NEK8: variants seen among roughly 807,000 people sequenced by gnomAD.
NEK8 encodes the protein NIMA related kinase 8, also known as serine/threonine-protein kinase Nek8.
Under a neutral mutation model 77.2 loss-of-function variants are expected in NEK8, and 51 were observed. That is an observed-to-expected ratio of 0.66 (90% CI 0.53 to 0.83). NEK8 has a LOEUF of 0.83. Ranked by LOEUF, NEK8 falls within the 40% of genes least tolerant of loss-of-function variation. The pLI, the probability that NEK8 is intolerant of heterozygous loss-of-function variation, is 0.00. For missense variants in NEK8, 787 were observed against 909.2 expected (o/e 0.87, Z 1.73); for synonymous variants, 365 against 363.2 (o/e 1.00, Z -0.06).
Position 28,735,013 on chromosome 17 carries a change from G to T in NEK8, c.486+9G>T. ...AGAGCAAGGCCTACACGGTGCCTGG[G>T]CATGGAAGGGACCTCCAGGGCACTA... is the stretch of plus-strand genomic sequence containing the variant. On this transcript the variant is annotated intron_variant, in intron 3 of 14. Coordinates refer to ENST00000268766, the MANE Select transcript of NEK8 (RefSeq NM_178170.3). 1 of 1,597,712 alleles carries T rather than the reference G, an allele frequency of 6.3e-7. No individual in the cohort carries two copies.
rs1597808237 is a variant in NEK8, at chr17:28,741,176, G to A, written c.1831G>A (p.Glu611Lys). 2 of 1,613,838 alleles carry A rather than the reference G, an allele frequency of 1.2e-6. No individual in the cohort carries two copies. The highest frequency in any genetic ancestry group is 1.7e-5 in the Admixed American group (1 of 60,002). ...SRAPCKVQGL[E>K]GIKMAMVACG... The stretch of plus-strand genomic sequence containing the variant: ...GGCACCCTGTAAGGTCCAAGGCCTT[G>A]AGGGCATCAAGATGGCAATGGTAGC... Residue 611 changes from glutamate (E) to lysine (K), a missense_variant, in exon 13 of 15, where the codon GAG (glutamate) becomes AAG (lysine). Around this residue, in one of 2 missense-constraint regions of NEK8, gnomAD observed 516 missense variants for 544.0 expected, o/e 0.95. Transcript: ENST00000268766. This position sits in a 1 kb window ranked among gnomAD's most constrained non-coding sequence, Gnocchi z 4.5.
intron 8 of NEK8, 92 bp downstream of exon 8, chr17:28,738,337 TTCTG>T: frequency 1.4e-6 from 2 of 1,417,464 alleles, no homozygotes; most frequent in Non-Finnish European, 2.0e-6. Context: ...TAATGAATGC[TTCTG>T]TCTACTAGTT....
rs555226814 is a variant in NEK8, at chr17:28,741,365, C to T, written c.1892-48C>T. On this transcript the variant is annotated intron_variant, in intron 13 of 14. Transcript: ENST00000268766. The surrounding 1 kb of genome is among the most constrained non-coding windows in gnomAD (Gnocchi z 4.5). ...GCAATGTGGGAGGGGAGATCCTGCT[C>T]GGGCTGTGCCCACTTCCCACTTCCC... 5.6e-6 allele frequency: 9 copies of T among 1,605,186 alleles called. No homozygotes were observed. The highest frequency in any genetic ancestry group is 6.8e-6 in the Non-Finnish European group (8 of 1,175,618).
chr17:28,737,765 T>C lies in NEK8; in HGVS notation c.889+29T>C, dbSNP rs745596783. 86 of 1,614,004 alleles carry C rather than the reference T, an allele frequency of 5.3e-5. No individual in the cohort carries two copies. The highest frequency in any genetic ancestry group is 7.0e-5 in the Non-Finnish European group (83 of 1,179,992). On this transcript the variant is annotated intron_variant, in intron 6 of 14. Coordinates refer to ENST00000268766, the MANE Select transcript of NEK8 (RefSeq NM_178170.3). This position sits in a 1 kb window ranked among gnomAD's most constrained non-coding sequence, Gnocchi z 4.8. ...AGTGGGAAGAGGCCGCCAGTCCCCA[T>C]GGATGCCACACCATTCCCATCAGTT...
chr17:28,741,397 G>A lies in NEK8; in HGVS notation c.1892-16G>A, dbSNP rs1289182227. 10 of 1,613,242 alleles carry A rather than the reference G, an allele frequency of 6.2e-6. No homozygotes were observed. The highest frequency in any genetic ancestry group is 8.5e-6 in the Non-Finnish European group (10 of 1,179,658). ...TGCCCACTTCCCACTTCCCTCCTGG[G>A]GATTCTTCCTGGCAGAGAGCGAAGT... is the stretch of plus-strand genomic sequence containing the variant. On this transcript the variant is annotated splice_polypyrimidine_tract_variant and intron_variant, in intron 13 of 14. Transcript: ENST00000268766. The surrounding 1 kb of genome is among the most constrained non-coding windows in gnomAD (Gnocchi z 4.5).
Position 28,738,699 on chromosome 17 carries a change from C to T in NEK8, c.1251C>T (p.Ser417=), listed in dbSNP as rs149239987. ...GAGGCATCATCATGACATTCGGCAG[C>T]GGCAGCAATGGGTGCCTAGGCCATG... The part of the protein sequence containing the change: ...TDRGIIMTFG[S]GSNGCLGHGS... Residue 417 remains serine (S), a synonymous_variant, in exon 9 of 15, where the codon AGC becomes AGT. Transcript: ENST00000268766. The T allele has an allele frequency of 8.8e-5, 142 of 1,614,002 alleles. No individual in the cohort carries two copies. Among genetic ancestry groups the T allele is most frequent in the South Asian group, 1.5e-4 (14 of 91,088 alleles).
intron 4 of NEK8, 133 bp downstream of exon 4, chr17:28,735,504 G>A: frequency 1.0e-6 from 1 of 993,474 alleles, no homozygotes; most frequent in Admixed American, 2.1e-5. Context: ...CCAGGGGAGG[G>A]CTATGGGTGT....
intron 4 of NEK8, among the ~76,000 whole-genome samples, chr17:28,736,866 A>G (rs2034370077): frequency 6.6e-6 from 1 of 152,186 alleles, no homozygotes; most frequent in Admixed American, 6.5e-5. Context: ...CCTGAATGGT[A>G]TTGCCTAGGT....
At position 28,735,240 on chromosome 17, in the gene NEK8, G is replaced by T; in HGVS notation, c.487G>T (p.Val163Leu). ...ILSSKSKAYTVVGTPCYISPE... is the reference protein window; with the variant it reads ...ILSSKSKAYTLVGTPCYISPE... The stretch of plus-strand genomic sequence containing the variant: ...TGTGATCCCAGCTTCTATCCTGCAG[G>T]TGGTGGGTACCCCATGCTATATCTC... The change falls in exon 4 of 15, where the codon GTG becomes TTG. Residue 163 changes from valine to leucine, a missense_variant and splice_region_variant. This residue lies in a region of NEK8 where 271 missense variants were observed against 365.1 expected (regional missense o/e 0.74). Transcript: ENST00000268766. 1 of 1,614,052 alleles carries T rather than the reference G, an allele frequency of 6.2e-7. No individual in the cohort carries two copies. Among genetic ancestry groups the T allele is most frequent in the Non-Finnish European group, 8.5e-7 (1 of 1,180,000 alleles).
In NEK8 at chr17:28,740,757, C is replaced by T; in HGVS notation, c.1569-65C>T. The T allele has an allele frequency of 1.2e-6, 2 of 1,601,658 alleles. No homozygotes were observed. The highest frequency in any genetic ancestry group is 1.7e-6 in the Non-Finnish European group (2 of 1,170,432). On this transcript the variant is annotated intron_variant, in intron 11 of 14. Coordinates refer to ENST00000268766, the MANE Select transcript of NEK8 (RefSeq NM_178170.3). The surrounding 1 kb of genome is among the most constrained non-coding windows in gnomAD (Gnocchi z 4.7). The stretch of plus-strand genomic sequence containing the variant: ...GTTCAACCCAGGGTGGGATCTGTCT[C>T]CTGGTGCACCAGCTCCTGCCCAAAC...
Position 28,737,935 on chromosome 17 carries a change from C to G in NEK8, c.1006C>G (p.Gln336Glu). ...RLPMLNTEVV[Q>E]VAAGRTQKAG... ...GCCAATGCTCAACACAGAGGTGGTC[C>G]AGGTGGCAGCTGGGCGCACGCAGAA... Residue 336 changes from glutamine (Q) to glutamate (E), a missense_variant, in exon 7 of 15, where the codon CAG (glutamine) becomes GAG (glutamate). By Grantham distance (29) the Gln-to-Glu change is conservative. Coordinates refer to ENST00000268766, the MANE Select transcript of NEK8 (RefSeq NM_178170.3). The surrounding 1 kb of genome is among the most constrained non-coding windows in gnomAD (Gnocchi z 4.8). 1 of 1,613,164 alleles carries G rather than the reference C, an allele frequency of 6.2e-7. No homozygotes were observed. Among genetic ancestry groups the G allele is most frequent in the Non-Finnish European group, 8.5e-7 (1 of 1,179,482 alleles).
At chr17:28,731,237 CA>C (rs932649141) in intron 1 of NEK8, among the ~76,000 whole-genome samples, 2 of 142,302 alleles carry the variant, frequency 1.4e-5, no homozygotes, top group African/African-American at 2.6e-5. Flanking sequence ...AACTCTGTCT[CA>C]AAAAAAAATA....
chr17:28,740,540 C>A lies in NEK8; in HGVS notation c.1495C>A (p.Arg499=). Residue 499 remains arginine (R), a synonymous_variant, in exon 11 of 15, where the codon CGA becomes AGA. Transcript: ENST00000268766. The surrounding 1 kb of genome is among the most constrained non-coding windows in gnomAD (Gnocchi z 4.7). ...VPMPPGQEAQ[R]VVCGIDSSMI... ...CATGCCCCCAGGACAGGAAGCTCAG[C>A]GAGTTGTATGTGGTATCGATTCCTC... is the stretch of plus-strand genomic sequence containing the variant. The A allele has an allele frequency of 1.2e-6, 2 of 1,614,112 alleles. No individual in the cohort carries two copies. Among genetic ancestry groups the A allele is most frequent in the Non-Finnish European group, 1.7e-6 (2 of 1,179,976 alleles).
At position 28,740,401 on chromosome 17, in the gene NEK8, C is replaced by T. The variant is rs975562063; in HGVS notation, c.1418-62C>T. 65 of 1,474,126 alleles carry T rather than the reference C, an allele frequency of 4.4e-5. No individual in the cohort carries two copies. Among genetic ancestry groups the T allele is most frequent in the Admixed American group, 1.8e-4 (11 of 59,808 alleles). The allele number at this position is 1,474,126 out of a possible 1,614,324, so 91.3% of individuals were successfully genotyped here. ...CTGTTCCCTCCCCTCAGTGGGCCCTCCTCATTCGGGCATCACCCCCACTAA... is the reference window on the plus strand; with the variant it reads ...CTGTTCCCTCCCCTCAGTGGGCCCTTCTCATTCGGGCATCACCCCCACTAA... On this transcript the variant is annotated intron_variant, in intron 10 of 14. Coordinates refer to ENST00000268766, the MANE Select transcript of NEK8 (RefSeq NM_178170.3). This position sits in a 1 kb window ranked among gnomAD's most constrained non-coding sequence, Gnocchi z 4.7.
At position 28,738,828 on chromosome 17, in the gene NEK8, G is replaced by T. The variant is rs574410319; in HGVS notation, c.1299+81G>T. The T allele has an allele frequency of 1.5e-5, 17 of 1,160,248 alleles. No individual in the cohort carries two copies. In the Admixed American group the frequency reaches 2.8e-4, roughly 19 times the overall value. 71.9% of individuals were successfully genotyped at this position (1,160,248 alleles called of 1,614,324 possible). ...ATCTGTGAGTTGACACCAGATTGGG[G>T]GCAGGGGAGTTCCCAGCAACCACAG... On this transcript the variant is annotated intron_variant, in intron 9 of 14. Transcript: ENST00000268766.
intron 1 of NEK8, among the ~76,000 whole-genome samples, chr17:28,732,804 G>A (rs908010145): frequency 2.0e-5 from 3 of 151,700 alleles, no homozygotes; most frequent in Non-Finnish European, 2.9e-5. Context: ...CACCCACCTC[G>A]GCCTCCCAAA....
At chr17:28,731,399 G>A (rs1473251830) in intron 1 of NEK8, among the ~76,000 whole-genome samples, 1 of 151,630 alleles carries the variant, frequency 6.6e-6, no homozygotes, top group Admixed American at 6.6e-5. Flanking sequence ...TTAGCTGGGC[G>A]TGGGTGGCAC....
intron 8 of NEK8, 61 bp from the exon 9 acceptor site, chr17:28,738,610 G>T: frequency 6.8e-7 from 1 of 1,475,046 alleles, no homozygotes; most frequent in Non-Finnish European, 9.5e-7. Context: ...GGAGGACCGG[G>T]CTATCTGGAA....
At chr17:28,735,855 G>A (rs2034360075) in intron 4 of NEK8, among the ~76,000 whole-genome samples, 1 of 151,890 alleles carries the variant, frequency 6.6e-6, no homozygotes, top group South Asian at 2.1e-4. Flanking sequence ...ATACATGTGC[G>A]ATGTTGGTGT....
Sources: allele counts gnomAD v4.1 joint callset (sites outside exome capture counted in the v4.1 genomes callset), GRCh38; gene constraint gnomAD v4.1.1; regional missense constraint gnomAD v4.1.1; non-coding constraint Gnocchi (gnomAD v3.1); transcripts MANE v1.5; gene names NCBI Gene and HGNC (gene_info 2026-07-23, HGNC 2026-07-21).